The following GPHN variants were observed in gnomAD, a reference collection of about 807,000 sequenced individuals.
The protein encoded by GPHN is gephyrin.
Under a neutral mutation model 95.5 loss-of-function variants are expected in GPHN, and 17 were observed. The observed-to-expected ratio is 0.18, with a 90% CI of 0.12 to 0.27. The LOEUF is 0.27. GPHN is among the 10% of genes least tolerant of loss of function. GPHN has a pLI of 1.00. For missense variants in GPHN, 660 were observed against 978.1 expected, an observed-to-expected ratio of 0.67 and a Z score of 4.34; for synonymous variants, 320 against 322.5, an observed-to-expected ratio of 0.99 and a Z score of 0.08.
the GPHN span, chr14:67,340,306 T>C: frequency 1.4e-6 from 1 of 709,030 alleles, no homozygotes; most frequent in Non-Finnish European, 2.3e-6. Context: ...ATAATATTTC[T>C]TGCTGCTTAT....
chr14:67,439,368 T>A, the GPHN span, among the ~76,000 whole-genome samples: 9 of 152,308 alleles, frequency 5.9e-5, no homozygotes, highest in South Asian at 8.3e-4. Context: ...TTTAGTGCAG[T>A]AGACACTTCT....
the GPHN span, among the ~76,000 whole-genome samples, chr14:67,657,464 A>G: frequency 6.6e-6 from 1 of 152,178 alleles, no homozygotes; most frequent in Non-Finnish European, 1.5e-5. Context: ...TCCCCACCGA[A>G]GTTTTACTCC....
chr14:67,260,001 G>A, the GPHN span, among the ~76,000 whole-genome samples: 1 of 151,636 alleles, frequency 6.6e-6, no homozygotes, highest in Non-Finnish European at 1.5e-5. Flanking sequence ...TTCCAGTCTT[G>A]GAAACATTGT....
the GPHN span, chr14:67,336,702 T>A: frequency 3.3e-5 from 15 of 455,780 alleles, no homozygotes; most frequent in South Asian, 1.4e-4. Flanking sequence ...TTTCCTCATC[T>A]GCAAAGTGGA....
chr14:67,214,306 G>GTTTAA, the GPHN span, among the ~76,000 whole-genome samples: 1 of 152,212 alleles, frequency 6.6e-6, no homozygotes, highest in African/African-American at 2.4e-5. Flanking sequence ...TAGGTCTAAC[G>GTTTAA]TTTAAGTCTT....
chr14:66,908,020 TTATA>T (rs113485236), intron 5 of GPHN, among the ~76,000 whole-genome samples: 3 of 150,508 alleles, frequency 2.0e-5, no homozygotes, highest in Admixed American at 6.6e-5. Flanking sequence ...AATATTTGTT[TTATA>T]TATATATATA....
At chr14:66,663,551 T>C (rs868679456) in intron 1 of GPHN, among the ~76,000 whole-genome samples, 3 of 152,090 alleles carry the variant, frequency 2.0e-5, no homozygotes, top group African/African-American at 7.2e-5. Flanking sequence ...AATGACACTA[T>C]AAAGTAACCA....
rs531455813 is a variant in GPHN, at chr14:66,832,588, A to AT, written c.294+8033dup. Among the ~76,000 whole-genome samples, 731 of 148,630 alleles carry AT rather than the reference A, an allele frequency of 4.9e-3. 3 individuals carry two copies. Among genetic ancestry groups the AT allele is most frequent in the African/African-American group, 0.015 (597 of 40,782 alleles). Reference sequence around the variant, plus strand: ...TTTTGTATTGTCCACTGAAAGCAGAATTTTTTTTTTTGTATCATAGGCACA... The same window carrying AT: ...TTTTGTATTGTCCACTGAAAGCAGAATTTTTTTTTTTTGTATCATAGGCACA... On this transcript the variant is annotated intron_variant, in intron 4 of 22. Transcript: ENST00000478722.
At chr14:67,599,464 G>A in the GPHN span, among the ~76,000 whole-genome samples, 10 of 152,288 alleles carry the variant, frequency 6.6e-5, no homozygotes, top group South Asian at 2.1e-3. Flanking sequence ...GAAAGTACTT[G>A]AAATTGGGGA....
chr14:67,300,255 T>C, the GPHN span, among the ~76,000 whole-genome samples: 23,403 of 151,940 alleles, frequency 0.15, 3,385 homozygotes, highest in East Asian at 0.41. Flanking sequence ...TCTCTTGGGT[T>C]TCATAGGAAA....
At chr14:66,957,222 G>A (rs1230049951) in intron 8 of GPHN, among the ~76,000 whole-genome samples, 1 of 118,992 alleles carries the variant, frequency 8.4e-6, no homozygotes. Context: ...TTGAGATGGG[G>A]TCTCGCTCTG....
At chr14:67,208,131 A>G in the GPHN span, 8 of 1,581,204 alleles carry the variant, frequency 5.1e-6, no homozygotes, top group Non-Finnish European at 6.9e-6. Context: ...TGTATTCGAT[A>G]CTGTTCCACA....
At chr14:67,406,859 T>C in the GPHN span, among the ~76,000 whole-genome samples, 27 of 152,184 alleles carry the variant, frequency 1.8e-4, no homozygotes, top group African/African-American at 5.8e-4. Context: ...CACAATGGTA[T>C]GCTGAAGAAG....
the GPHN span, chr14:67,586,274 G>C: frequency 1.8e-6 from 2 of 1,084,590 alleles, no homozygotes; most frequent in Admixed American, 3.6e-5. Flanking sequence ...CCGTATCAAT[G>C]TTCAGCTAGT....
At chr14:67,415,586 T>G in the GPHN span, among the ~76,000 whole-genome samples, 63 of 152,338 alleles carry the variant, frequency 4.1e-4, no homozygotes, top group African/African-American at 1.3e-3. Context: ...ACCAGCAGCG[T>G]ATGACAATGC....
the GPHN span, chr14:67,359,759 G>A: frequency 6.3e-7 from 1 of 1,595,734 alleles, no homozygotes; most frequent in Non-Finnish European, 8.6e-7. Flanking sequence ...AATAGCTCCA[G>A]AACTGGCCTC....
the GPHN span, chr14:67,392,600 A>G: frequency 6.8e-7 from 1 of 1,481,000 alleles, no homozygotes; most frequent in Non-Finnish European, 9.3e-7. Flanking sequence ...CCAGGCCCCC[A>G]TTCTGTTGTG....
At chr14:66,828,623 G>A (rs1481771142) in intron 4 of GPHN, among the ~76,000 whole-genome samples, 2 of 151,906 alleles carry the variant, frequency 1.3e-5, no homozygotes, top group Admixed American at 1.3e-4. Context: ...AATCTGTAAA[G>A]CACAAAGCAA....
the GPHN span, among the ~76,000 whole-genome samples, chr14:67,339,336 G>A: frequency 0.03 from 4,599 of 151,996 alleles, 88 homozygotes; most frequent in Non-Finnish European, 0.036. Flanking sequence ...ATCCATTCTC[G>A]AATGGAACAG....
Sources: allele counts gnomAD v4.1 joint callset (sites outside exome capture counted in the v4.1 genomes callset), GRCh38; gene constraint gnomAD v4.1.1; transcripts MANE v1.5; gene names NCBI Gene and HGNC (gene_info 2026-07-23, HGNC 2026-07-21).